CPNE4: variants seen among roughly 807,000 people sequenced by gnomAD.
The protein encoded by CPNE4 is copine-4.
Under a neutral mutation model 67.9 loss-of-function variants are expected in CPNE4, and 25 were observed. The observed-to-expected ratio is 0.37, with a 90% confidence interval of 0.27 to 0.51. CPNE4 has a LOEUF of 0.51. Among genes scored for constraint, CPNE4 ranks in the 20% least tolerant of loss-of-function variants. The pLI is 0.93. For missense variants in CPNE4, 464 were observed against 690.8 expected, an observed-to-expected ratio of 0.67 and a Z score of 3.68; for synonymous variants, 242 against 244.9, an observed-to-expected ratio of 0.99 and a Z score of 0.11.
At chr3:131,598,842 TC>T (rs5852634) in intron 7 of CPNE4, among the ~76,000 whole-genome samples, 1,709 of 111,134 alleles carry the variant, frequency 0.015, 136 homozygotes, top group African/African-American at 0.082. Flanking sequence ...TTTAAAATTG[TC>T]CCCCCACCCC....
chr3:131,557,954 C>CT (rs973269742), intron 11 of CPNE4, among the ~76,000 whole-genome samples: 6 of 151,892 alleles, frequency 4.0e-5, no homozygotes, highest in African/African-American at 1.5e-4. Context: ...CCCTTATTTT[C>CT]TTTTTTTGAT....
chr3:132,014,953 T>G (rs985935418), intron 1 of CPNE4, among the ~76,000 whole-genome samples: 7 of 152,192 alleles, frequency 4.6e-5, no homozygotes, highest in African/African-American at 1.7e-4. Flanking sequence ...TCTCTTATTT[T>G]TAAAGCTTTT....
At chr3:131,751,689 A>G (rs2082628876) in intron 2 of CPNE4, among the ~76,000 whole-genome samples, 1 of 151,482 alleles carries the variant, frequency 6.6e-6, no homozygotes, top group Non-Finnish European at 1.5e-5. Context: ...GGCTTTTGGT[A>G]TGACAAGTTA....
chr3:131,592,561 GACAAAAGTGGAT>G (rs1938599597), intron 7 of CPNE4, among the ~76,000 whole-genome samples: 2 of 151,722 alleles, frequency 1.3e-5, no homozygotes, highest in Admixed American at 6.6e-5. Context: ...CCTGGTAAGT[GACAAAAGTGGAT>G]CTGAACCCAG....
At chr3:131,787,370 G>C (rs968382717) in intron 2 of CPNE4, among the ~76,000 whole-genome samples, 19 of 152,178 alleles carry the variant, frequency 1.2e-4, no homozygotes, top group African/African-American at 4.3e-4. Flanking sequence ...ATGCGGGGTT[G>C]ATGAAGTCTT....
intron 7 of CPNE4, among the ~76,000 whole-genome samples, 178 bp from the exon 8 acceptor site, chr3:131,587,760 G>C (rs895169544): frequency 6.6e-6 from 1 of 152,202 alleles, no homozygotes; most frequent in African/African-American, 2.4e-5. Flanking sequence ...CCTTTACTTG[G>C]ACTTTTTGTA....
intron 6 of CPNE4, among the ~76,000 whole-genome samples, chr3:131,682,995 G>A (rs955316034): frequency 6.6e-6 from 1 of 152,060 alleles, no homozygotes; most frequent in Admixed American, 6.6e-5. Flanking sequence ...GTCAGCTTGT[G>A]GTGAATGCTC....
At chr3:131,852,184 C>G (rs979233899) in intron 2 of CPNE4, among the ~76,000 whole-genome samples, 1 of 151,748 alleles carries the variant, frequency 6.6e-6, no homozygotes, top group Non-Finnish European at 1.5e-5. Flanking sequence ...TATTAATAGG[C>G]CCTTTTAGAG....
rs542668295 is a variant in CPNE4, at chr3:132,008,195, C to T, written c.-2+26372G>A. Among the ~76,000 whole-genome samples the T allele has an allele frequency of 9.2e-5, 14 of 151,760 alleles. No homozygotes were observed. The South Asian group carries it at 2.9e-3, about 32-fold the overall frequency. On this transcript the variant is annotated intron_variant, in intron 1 of 15. Transcript: ENST00000429747. ...TGAATGAGGATTGAATGAAGGTATA[C>T]AAAATGAAAAAAATACCCACACCCA...
At position 131,632,979 on chromosome 3, in the gene CPNE4, G is replaced by T. The variant is rs530484124; in HGVS notation, c.681+36696C>A. Among the ~76,000 whole-genome samples, 5 of 152,140 alleles carry T rather than the reference G, an allele frequency of 3.3e-5. No homozygotes were observed. The East Asian group carries it at 5.8e-4, about 18-fold the overall frequency. On this transcript the variant is annotated intron_variant, in intron 7 of 15. Transcript: ENST00000429747. ...CCAGTCCAGACCTTTCCCCTGAACT[G>T]CTGTCTACTCTAACTCTCCATTTCT...
chr3:132,020,018 C>T (rs573951567), intron 1 of CPNE4, among the ~76,000 whole-genome samples: 5 of 152,312 alleles, frequency 3.3e-5, no homozygotes, highest in African/African-American at 1.2e-4. Context: ...CAAATTGGAA[C>T]TTAAAGGTAC....
intron 7 of CPNE4, among the ~76,000 whole-genome samples, chr3:131,611,677 C>T (rs1481921078): frequency 6.6e-6 from 1 of 151,380 alleles, no homozygotes; most frequent in Non-Finnish European, 1.5e-5. Context: ...TTTAGGTCTT[C>T]CCCATTCATA....
At position 131,633,785 on chromosome 3, in the gene CPNE4, G is replaced by A. The variant is rs537425473; in HGVS notation, c.681+35890C>T. Among the ~76,000 whole-genome samples the A allele has an allele frequency of 3.3e-5, 5 of 151,654 alleles. No individual in the cohort carries two copies. In the South Asian group the frequency reaches 1.0e-3, roughly 32 times the overall value. ...TTTTTTATTTTTAAAAAAAAGAACA[G>A]AATAAACCCAAAGAAAGGAGAAAGA... On this transcript the variant is annotated intron_variant, in intron 7 of 15. Coordinates refer to ENST00000429747, the MANE Select transcript of CPNE4 (RefSeq NM_130808.3).
intron 2 of CPNE4, among the ~76,000 whole-genome samples, chr3:131,755,579 G>C (rs2082733111): frequency 6.6e-6 from 1 of 152,090 alleles, no homozygotes; most frequent in Non-Finnish European, 1.5e-5. Flanking sequence ...TGTTACACTG[G>C]GTTTTCAGAA....
chr3:131,877,170 A>G (rs939784214), intron 2 of CPNE4, among the ~76,000 whole-genome samples: 2 of 152,092 alleles, frequency 1.3e-5, no homozygotes, highest in Non-Finnish European at 2.9e-5. Flanking sequence ...AAATCAACTG[A>G]GCAGTGTTGT....
rs190113904 is a variant in CPNE4, at chr3:131,838,642, A to T, written c.180+66622T>A. 2.3e-3 allele frequency among the ~76,000 whole-genome samples: 345 copies of T among 151,834 alleles called. 2 individuals carry two copies. The highest frequency in any genetic ancestry group is 7.8e-3 in the African/African-American group (324 of 41,500). On this transcript the variant is annotated intron_variant, in intron 2 of 15. Coordinates refer to ENST00000429747, the MANE Select transcript of CPNE4 (RefSeq NM_130808.3). The stretch of plus-strand genomic sequence containing the variant: ...TACCAAAAGAAAATCTGACAGAGAG[A>T]AAAACCTATATAAGAATCTCATAGA...
intron 3 of CPNE4, among the ~76,000 whole-genome samples, chr3:131,707,920 T>G (rs984247650): frequency 2.0e-5 from 3 of 152,168 alleles, no homozygotes; most frequent in Non-Finnish European, 4.4e-5. Flanking sequence ...AGCCTCAGTT[T>G]CCTCATCTGT....
intron 1 of CPNE4, among the ~76,000 whole-genome samples, chr3:131,989,731 AT>A (rs1385725009): frequency 2.2e-5 from 3 of 136,748 alleles, no homozygotes; most frequent in Admixed American, 8.2e-5. Flanking sequence ...ATAAATCCAA[AT>A]TTTACGGGTG....
chr3:131,917,831 T>C (rs142213416), intron 1 of CPNE4, among the ~76,000 whole-genome samples: 51 of 152,294 alleles, frequency 3.3e-4, no homozygotes, highest in African/African-American at 1.2e-3. Context: ...GTAGGAAATC[T>C]GGCAGATGCC....
Sources: gnomAD v4.1 joint callset for allele counts (sites outside exome capture counted in the v4.1 genomes callset) on GRCh38, gnomAD v4.1.1 for gene constraint, MANE v1.5 for transcripts, NCBI Gene and HGNC (gene_info 2026-07-23, HGNC 2026-07-21) for gene names.